The following NXPH1 variants were observed in gnomAD, a reference collection of about 807,000 sequenced individuals.
NXPH1 encodes neurexophilin-1.
NXPH1 carries 5 observed loss-of-function variants against 23.7 expected under a neutral mutation model. That is an observed-to-expected ratio of 0.21 (90% CI 0.11 to 0.44). The LOEUF is 0.44. Among genes scored for constraint, NXPH1 ranks in the 20% least tolerant of loss-of-function variants. NXPH1 has a pLI of 0.99. For missense variants in NXPH1, 324 were observed against 321.6 expected (o/e 1.01, Z -0.06); for synonymous variants, 144 against 122.2 (o/e 1.18, Z -1.18).
At chr7:8,705,881 T>A (rs950927480) in intron 2 of NXPH1, among the ~76,000 whole-genome samples, 2 of 152,174 alleles carry the variant, frequency 1.3e-5, no homozygotes, top group Non-Finnish European at 2.9e-5. Flanking sequence ...TTATTTGGCT[T>A]TGGGGGACAA....
At position 8,516,348 on chromosome 7, in the gene NXPH1, A is replaced by G. The variant is rs116311253; in HGVS notation, c.54+80581A>G. Among the ~76,000 whole-genome samples the G allele has an allele frequency of 3.8e-3, 578 of 152,270 alleles. 6 individuals are homozygous for G. The highest frequency in any genetic ancestry group is 0.013 in the African/African-American group (534 of 41,572). On this transcript the variant is annotated intron_variant, in intron 2 of 2. Coordinates refer to ENST00000405863, the MANE Select transcript of NXPH1 (RefSeq NM_152745.3). Reference sequence around the variant, plus strand: ...GGGTGCTCTCGTACCTTAAGGCAATAGAATCATCAATCAATAAGAAACCAG... The same window carrying G: ...GGGTGCTCTCGTACCTTAAGGCAATGGAATCATCAATCAATAAGAAACCAG...
chr7:8,477,650 C>A (rs1178670883), intron 2 of NXPH1, among the ~76,000 whole-genome samples: 1 of 152,100 alleles, frequency 6.6e-6, no homozygotes, highest in Non-Finnish European at 1.5e-5. Flanking sequence ...TGGGTCAGAC[C>A]AGTGATTCTT....
chr7:8,457,256 ATAAATGTCTAC>A (rs2128606339), intron 2 of NXPH1, among the ~76,000 whole-genome samples: 1 of 152,314 alleles, frequency 6.6e-6, no homozygotes, highest in Non-Finnish European at 1.5e-5. Flanking sequence ...CACAAGGGAA[ATAAATGTCTAC>A]TTCTCTGGTC....
chr7:8,543,673 G>C (rs1818152527), intron 2 of NXPH1, among the ~76,000 whole-genome samples: 1 of 151,588 alleles, frequency 6.6e-6, no homozygotes, highest in Non-Finnish European at 1.5e-5. Context: ...TTCACACGTA[G>C]ATGCACAGTA....
intron 2 of NXPH1, among the ~76,000 whole-genome samples, chr7:8,504,378 G>T (rs1817487693): frequency 1.3e-5 from 2 of 151,704 alleles, no homozygotes; most frequent in South Asian, 4.1e-4. Flanking sequence ...CAGTCTGAGA[G>T]GCCACTAAAA....
chr7:8,443,920 C>T (rs1212757048), intron 2 of NXPH1, among the ~76,000 whole-genome samples: 1 of 152,174 alleles, frequency 6.6e-6, no homozygotes, highest in African/African-American at 2.4e-5. Flanking sequence ...GCCCTACCTC[C>T]CTCGCCGCTT....
In NXPH1 at chr7:8,434,743, C is replaced by A. The variant is rs1276732703; in HGVS notation, c.-123C>A. The A allele has an allele frequency of 6.5e-6, 1 of 152,706 alleles. No individual in the cohort carries two copies. Among genetic ancestry groups the A allele is most frequent in the Admixed American group, 6.5e-5 (1 of 15,280 alleles). The allele number at this position is 152,706 out of a possible 1,614,324, so 9.5% of individuals were successfully genotyped here. On this transcript the variant is annotated 5_prime_UTR_variant, in exon 1 of 3. Coordinates refer to ENST00000405863, the MANE Select transcript of NXPH1 (RefSeq NM_152745.3). The surrounding 1 kb of genome is among the most constrained non-coding windows in gnomAD (Gnocchi z 7.6). ...CGGTCCCTTCTCGCAGGATTCGCCC[C>A]AAGTCCTGTGCGGTACGTACCCTTT...
intron 2 of NXPH1, among the ~76,000 whole-genome samples, chr7:8,584,467 T>C (rs1562412219): frequency 6.6e-6 from 1 of 152,150 alleles, no homozygotes; most frequent in African/African-American, 2.4e-5. Flanking sequence ...GCTATTTAGG[T>C]TTCATAGGGG....
At chr7:8,441,757 G>C (rs963338389) in intron 2 of NXPH1, among the ~76,000 whole-genome samples, 1 of 152,162 alleles carries the variant, frequency 6.6e-6, no homozygotes, top group Non-Finnish European at 1.5e-5. Flanking sequence ...GCGCCCAAGA[G>C]CGCGTTTGCG....
At chr7:8,702,112 T>A (rs1779634064) in intron 2 of NXPH1, among the ~76,000 whole-genome samples, 1 of 152,054 alleles carries the variant, frequency 6.6e-6, no homozygotes, top group Middle Eastern at 3.2e-3. Flanking sequence ...ATCAATGAAT[T>A]AATTATTTCT....
At chr7:8,574,161 A>G (rs1818706156) in intron 2 of NXPH1, among the ~76,000 whole-genome samples, 1 of 152,134 alleles carries the variant, frequency 6.6e-6, no homozygotes, top group Admixed American at 6.5e-5. Flanking sequence ...CACGGTTTGC[A>G]CCTTTTCCCT....
At chr7:8,448,587 C>T (rs189709662) in intron 2 of NXPH1, among the ~76,000 whole-genome samples, 60 of 152,168 alleles carry the variant, frequency 3.9e-4, no homozygotes, top group African/African-American at 1.4e-3. Flanking sequence ...GAGGCCGAGG[C>T]GGGCGGATTG....
intron 2 of NXPH1, among the ~76,000 whole-genome samples, chr7:8,632,703 A>T (rs1427284520): frequency 1.3e-5 from 2 of 152,210 alleles, no homozygotes; most frequent in East Asian, 3.9e-4. Context: ...CTGTTGCCTT[A>T]ACTTACTCTC....
chr7:8,702,373 T>A (rs74681680), intron 2 of NXPH1, among the ~76,000 whole-genome samples: 10,213 of 152,158 alleles, frequency 0.067, 804 homozygotes, highest in African/African-American at 0.18. Context: ...ATGTGTTATG[T>A]TTCACTTATT....
chr7:8,447,367 T>C (rs1268532208), intron 2 of NXPH1, among the ~76,000 whole-genome samples: 5 of 152,252 alleles, frequency 3.3e-5, no homozygotes, highest in Non-Finnish European at 5.9e-5. Flanking sequence ...AAGTTATTCA[T>C]GCATGGTCAG....
intron 2 of NXPH1, among the ~76,000 whole-genome samples, chr7:8,616,789 C>T (rs1819748824): frequency 6.9e-6 from 1 of 143,924 alleles, no homozygotes; most frequent in African/African-American, 2.5e-5. Flanking sequence ...CCCCTAAAAA[C>T]AAATACAAGC....
At chr7:8,506,976 C>T (rs1306345763) in intron 2 of NXPH1, among the ~76,000 whole-genome samples, 3 of 149,268 alleles carry the variant, frequency 2.0e-5, no homozygotes, top group African/African-American at 5.1e-5. Flanking sequence ...GTGACATGAT[C>T]AGATTTGCAT....
At chr7:8,618,262 C>T (rs1024682890) in intron 2 of NXPH1, among the ~76,000 whole-genome samples, 1 of 152,070 alleles carries the variant, frequency 6.6e-6, no homozygotes, top group East Asian at 1.9e-4. Context: ...TTAGGAAATA[C>T]AACATTTAAT....
intron 2 of NXPH1, among the ~76,000 whole-genome samples, chr7:8,620,752 G>T (rs1819850884): frequency 6.6e-6 from 1 of 152,170 alleles, no homozygotes; most frequent in Non-Finnish European, 1.5e-5. Context: ...ATTAGATGAA[G>T]TTACCGTCAC....
Sources: gnomAD v4.1 joint callset for allele counts (sites outside exome capture counted in the v4.1 genomes callset) on GRCh38, gnomAD v4.1.1 for gene constraint, Gnocchi (gnomAD v3.1) non-coding constraint, MANE v1.5 for transcripts, NCBI Gene and HGNC (gene_info 2026-07-23, HGNC 2026-07-21) for gene names.